The following EDIL3 variants were observed in gnomAD, a reference collection of about 807,000 sequenced individuals.
EDIL3 encodes EGF-like repeat and discoidin I-like domain-containing protein 3.
Under a neutral mutation model 67.4 loss-of-function variants are expected in EDIL3, and 37 were observed. The ratio of observed to expected loss-of-function variants is 0.55; its 90% CI spans 0.42 to 0.72. EDIL3 has a LOEUF of 0.72. EDIL3 is among the 30% of genes least tolerant of loss of function. The probability of loss-of-function intolerance (pLI) is 0.00; values close to 1 mark genes in which losing one functional copy is unlikely to be tolerated. For synonymous variants in EDIL3, 195 were observed against 196.3 expected, an observed-to-expected ratio of 0.99 and a Z score of 0.05; for missense variants, 527 against 586.3, an observed-to-expected ratio of 0.90 and a Z score of 1.04.
chr5:84,370,481 G>T (rs1437895609), intron 1 of EDIL3, among the ~76,000 whole-genome samples: 1 of 152,180 alleles, frequency 6.6e-6, no homozygotes, highest in Non-Finnish European at 1.5e-5. Context: ...GCGGCAATTA[G>T]TAGATCAGAG....
intron 4 of EDIL3, among the ~76,000 whole-genome samples, chr5:84,170,022 A>G (rs1476818383): frequency 1.3e-5 from 2 of 152,218 alleles, no homozygotes; most frequent in Admixed American, 1.3e-4. Context: ...TCAGTGCTAT[A>G]TTCCACTATC....
At chr5:84,303,840 GTGTGTGTGTT>G (rs1324021438) in intron 1 of EDIL3, among the ~76,000 whole-genome samples, 21 of 146,278 alleles carry the variant, frequency 1.4e-4, no homozygotes, top group African/African-American at 5.2e-4. Flanking sequence ...GTGTGTGTGT[GTGTGTGTGTT>G]TGTGTGTGTG....
At chr5:84,105,873 G>T (rs531131085) in intron 6 of EDIL3, among the ~76,000 whole-genome samples, 4 of 152,140 alleles carry the variant, frequency 2.6e-5, no homozygotes, top group African/African-American at 9.6e-5. Context: ...AGTTTCTCAA[G>T]ATAATTAATG....
intron 3 of EDIL3, among the ~76,000 whole-genome samples, chr5:84,229,646 G>A (rs1055293842): frequency 1.3e-5 from 2 of 151,990 alleles, no homozygotes; most frequent in African/African-American, 4.8e-5. Flanking sequence ...TTCGTTTCAA[G>A]ACTTTTCTCC....
At chr5:84,308,430 T>G (rs1186563406) in intron 1 of EDIL3, among the ~76,000 whole-genome samples, 1 of 152,190 alleles carries the variant, frequency 6.6e-6, no homozygotes, top group Non-Finnish European at 1.5e-5. Flanking sequence ...ATTCCTAATG[T>G]GTCTAGTTAC....
At chr5:84,308,768 A>T (rs568624169) in intron 1 of EDIL3, among the ~76,000 whole-genome samples, 1 of 152,338 alleles carries the variant, frequency 6.6e-6, no homozygotes, top group African/African-American at 2.4e-5. Flanking sequence ...TATCATTTGT[A>T]TAAAAAGATC....
Position 84,149,716 on chromosome 5 carries a change from G to T in EDIL3, c.356-12362C>A, listed in dbSNP as rs543252841. On this transcript the variant is annotated intron_variant, in intron 4 of 10. Coordinates refer to ENST00000296591, the MANE Select transcript of EDIL3 (RefSeq NM_005711.5). Reference sequence around the variant, plus strand: ...AATTAGCAGAGAAGTAATTAAAACAGTTATTAAAACTGTATTCCATATATT... The same window carrying T: ...AATTAGCAGAGAAGTAATTAAAACATTTATTAAAACTGTATTCCATATATT... Among the ~76,000 whole-genome samples the T allele has an allele frequency of 2.0e-5, 3 of 152,052 alleles. No homozygotes were observed. In the South Asian group the frequency reaches 6.2e-4, roughly 31 times the overall value.
intron 4 of EDIL3, among the ~76,000 whole-genome samples, chr5:84,149,803 A>G (rs1194965820): frequency 6.6e-6 from 1 of 152,142 alleles, no homozygotes; most frequent in Non-Finnish European, 1.5e-5. Flanking sequence ...GATGAAACTA[A>G]CAATGTGTGA....
chr5:84,027,389 T>C (rs964042654), intron 9 of EDIL3, among the ~76,000 whole-genome samples: 6 of 152,140 alleles, frequency 3.9e-5, no homozygotes, highest in African/African-American at 1.4e-4. Flanking sequence ...CACAGCAGTC[T>C]TCAAACATAT....
intron 4 of EDIL3, among the ~76,000 whole-genome samples, chr5:84,165,478 G>C (rs568374074): frequency 3.9e-5 from 6 of 152,244 alleles, no homozygotes; most frequent in Non-Finnish European, 7.4e-5. Flanking sequence ...CCTCTTCTAA[G>C]TGCTGCTAGC....
chr5:84,329,024 C>G (rs1263130701), intron 1 of EDIL3, among the ~76,000 whole-genome samples: 2 of 152,046 alleles, frequency 1.3e-5, no homozygotes, highest in African/African-American at 4.8e-5. Flanking sequence ...ACTTCATTAT[C>G]TGCATATTAA....
At chr5:84,183,963 G>A (rs552608074) in intron 3 of EDIL3, among the ~76,000 whole-genome samples, 10 of 152,198 alleles carry the variant, frequency 6.6e-5, no homozygotes, top group African/African-American at 1.4e-4. Flanking sequence ...AAAATTAGCC[G>A]GGTGTAGTGG....
intron 3 of EDIL3, among the ~76,000 whole-genome samples, chr5:84,202,454 AG>A (rs768153462): frequency 1.3e-5 from 2 of 152,176 alleles, no homozygotes; most frequent in Non-Finnish European, 2.9e-5. Flanking sequence ...AGCTAAGCAA[AG>A]TTTGTGCAAA....
intron 1 of EDIL3, among the ~76,000 whole-genome samples, chr5:84,279,683 T>G (rs942513683): frequency 6.6e-6 from 1 of 152,202 alleles, no homozygotes; most frequent in Admixed American, 6.5e-5. Context: ...TCACTCTTCC[T>G]TGTCCTCTCC....
At chr5:84,054,528 T>A (rs931442920) in intron 9 of EDIL3, among the ~76,000 whole-genome samples, 6 of 152,162 alleles carry the variant, frequency 3.9e-5, no homozygotes, top group African/African-American at 1.2e-4. Context: ...TGTCCCTGTT[T>A]GCAGATGACA....
At chr5:84,048,991 A>T (rs1432044528) in intron 9 of EDIL3, among the ~76,000 whole-genome samples, 1 of 152,166 alleles carries the variant, frequency 6.6e-6, no homozygotes, top group Non-Finnish European at 1.5e-5. Context: ...GAAGTAAAAA[A>T]GAAATTAATC....
At chr5:84,257,993 A>G (rs1437717498) in intron 1 of EDIL3, among the ~76,000 whole-genome samples, 2 of 152,212 alleles carry the variant, frequency 1.3e-5, no homozygotes, top group Non-Finnish European at 2.9e-5. Flanking sequence ...CTACCATGTC[A>G]AAGTCTTTCT....
chr5:84,072,079 A>C (rs1237101416), intron 6 of EDIL3, among the ~76,000 whole-genome samples: 1 of 152,174 alleles, frequency 6.6e-6, no homozygotes, highest in African/African-American at 2.4e-5. Flanking sequence ...ACACAGAATT[A>C]AAAACAATCT....
At chr5:84,300,783 G>A (rs2112129887) in intron 1 of EDIL3, among the ~76,000 whole-genome samples, 1 of 152,070 alleles carries the variant, frequency 6.6e-6, no homozygotes, top group East Asian at 1.9e-4. Context: ...ACATAAACAA[G>A]GAAATAGACA....
Sources: allele counts gnomAD v4.1 joint callset (sites outside exome capture counted in the v4.1 genomes callset), GRCh38; gene constraint gnomAD v4.1.1; transcripts MANE v1.5; gene names NCBI Gene and HGNC (gene_info 2026-07-23, HGNC 2026-07-21).